The following CCNT2 variants were observed in gnomAD, a reference collection of about 807,000 sequenced individuals.
CCNT2 encodes the protein cyclin T2, also known as cyclin-T2.
CCNT2 carries 18 observed loss-of-function variants against 70.0 expected under a neutral mutation model. The observed-to-expected ratio is 0.26, with a 90% CI of 0.18 to 0.38. CCNT2 has a LOEUF of 0.38. Ranked by LOEUF, CCNT2 falls within the 10% of genes least tolerant of loss-of-function variation. The probability of loss-of-function intolerance (pLI) is 1.00; values close to 1 mark genes in which losing one functional copy is unlikely to be tolerated. For synonymous variants in CCNT2, 334 were observed against 313.3 expected (o/e 1.07, Z -0.70); for missense variants, 734 against 890.2 (o/e 0.82, Z 2.23).
chr2:134,930,989 A>C (rs1405272269), intron 2 of CCNT2, among the ~76,000 whole-genome samples: 1 of 148,210 alleles, frequency 6.7e-6, no homozygotes, highest in Admixed American at 6.7e-5. Context: ...TTTTTGAGAC[A>C]TCTCACTCTG....
Position 134,958,958 on chromosome 2 carries a change from A to C in CCNT2, c.*4310A>C, listed in dbSNP as rs1683065797. On this transcript the variant is annotated 3_prime_UTR_variant, in exon 9 of 9. Coordinates refer to ENST00000264157, the MANE Select transcript of CCNT2 (RefSeq NM_058241.3). ...CTTCACTGTGGAATCCATTTATCTC[A>C]AAGTTTGAGGGCTGTCTACTTTATT... 1 of 152,192 alleles carries C rather than the reference A, an allele frequency of 6.6e-6. No homozygotes were observed. The highest frequency in any genetic ancestry group is 2.4e-5 in the African/African-American group (1 of 41,442). The allele number at this position is 152,192 out of a possible 1,614,324, so 9.4% of individuals were successfully genotyped here. A position where few individuals can be genotyped will look rare whatever the true frequency, so the allele number is the denominator to read the frequency against.
intron 2 of CCNT2, among the ~76,000 whole-genome samples, chr2:134,935,907 A>G (rs1681111528): frequency 6.6e-6 from 1 of 151,984 alleles, no homozygotes; most frequent in Non-Finnish European, 1.5e-5. Context: ...AGCTGCTTTC[A>G]TTATTGCTAT....
chr2:134,933,828 A>G (rs1223168085), intron 2 of CCNT2, among the ~76,000 whole-genome samples: 2 of 152,226 alleles, frequency 1.3e-5, no homozygotes, highest in South Asian at 2.1e-4. Context: ...AGGGAGCACT[A>G]TTCTAAGTCC....
At chr2:134,933,991 A>C (rs1051672829) in intron 2 of CCNT2, among the ~76,000 whole-genome samples, 4 of 152,246 alleles carry the variant, frequency 2.6e-5, no homozygotes, top group Non-Finnish European at 5.9e-5. Context: ...CACTTGAGGC[A>C]GCATGGCTAT....
intron 7 of CCNT2, among the ~76,000 whole-genome samples, chr2:134,951,770 CAAT>C (rs954341908): frequency 2.6e-5 from 4 of 152,276 alleles, no homozygotes; most frequent in African/African-American, 9.6e-5. Flanking sequence ...TCTTACATAA[CAAT>C]ATATGATTAT....
At chr2:134,951,397 A>G (rs981475140) in intron 7 of CCNT2, among the ~76,000 whole-genome samples, 1 of 152,210 alleles carries the variant, frequency 6.6e-6, no homozygotes, top group African/African-American at 2.4e-5. Flanking sequence ...TGACATTATT[A>G]GTTCATCAAA....
At chr2:134,944,501 T>G (rs1681806133) in intron 5 of CCNT2, 1 of 965,330 alleles carries the variant, frequency 1.0e-6, no homozygotes, top group Admixed American at 6.2e-5. Context: ...CTAAAAATTC[T>G]AGAGACATGA....
chr2:134,948,811 T>G (rs1682205081), intron 7 of CCNT2, among the ~76,000 whole-genome samples: 1 of 148,608 alleles, frequency 6.7e-6, no homozygotes, highest in Non-Finnish European at 1.5e-5. Context: ...ACCTCCCGAG[T>G]TCAAGCAATT....
Position 134,957,656 on chromosome 2 carries a change from G to A in CCNT2, c.*3008G>A, listed in dbSNP as rs1683005805. On this transcript the variant is annotated 3_prime_UTR_variant, in exon 9 of 9. Coordinates refer to ENST00000264157, the MANE Select transcript of CCNT2 (RefSeq NM_058241.3). ...TAACGGGCGGCAGTATCCGGTAGTG[G>A]TAAAACCTCACAGTTTCCTAATTGC... 1 of 152,190 alleles carries A rather than the reference G, an allele frequency of 6.6e-6. No individual in the cohort carries two copies. Among genetic ancestry groups the A allele is most frequent in the African/African-American group, 2.4e-5 (1 of 41,438 alleles). The allele number at this position is 152,190 out of a possible 1,614,324, so 9.4% of individuals were successfully genotyped here.
intron 5 of CCNT2, chr2:134,944,003 G>A: frequency 1.0e-6 from 1 of 979,998 alleles, no homozygotes; most frequent in Non-Finnish European, 1.2e-6. Context: ...TATTATGTTA[G>A]TGGCTACAAT....
At chr2:134,931,262 CTTTTTTTTTTTTT>C (rs112471982) in intron 2 of CCNT2, among the ~76,000 whole-genome samples, 2 of 42,418 alleles carry the variant, frequency 4.7e-5, no homozygotes, top group Admixed American at 4.3e-4. Flanking sequence ...ATGCCCGGAT[CTTTTTTTTTTTTT>C]TTTTTTTTTT....
At chr2:134,925,269 A>G (rs539121045) in intron 2 of CCNT2, among the ~76,000 whole-genome samples, 2 of 152,302 alleles carry the variant, frequency 1.3e-5, no homozygotes, top group East Asian at 3.9e-4. Flanking sequence ...ATGGACACCC[A>G]GTGGCACGTA....
intron 5 of CCNT2, chr2:134,943,175 C>T: frequency 1.2e-6 from 1 of 815,478 alleles, no homozygotes; most frequent in Non-Finnish European, 1.5e-6. Flanking sequence ...CCAAGGCAGG[C>T]TGATCGCTTG....
intron 2 of CCNT2, among the ~76,000 whole-genome samples, chr2:134,932,529 T>A (rs1680855984): frequency 6.6e-6 from 1 of 152,236 alleles, no homozygotes; most frequent in African/African-American, 2.4e-5. Context: ...TAATTAGGTA[T>A]CTTAACATCC....
chr2:134,924,752 G>T (rs1357319991), intron 2 of CCNT2, among the ~76,000 whole-genome samples: 1 of 151,958 alleles, frequency 6.6e-6, no homozygotes, highest in African/African-American at 2.4e-5. Flanking sequence ...CCCGGCCCCA[G>T]TATTCTTACT....
chr2:134,937,245 T>G (rs1681221914), intron 3 of CCNT2, among the ~76,000 whole-genome samples: 2 of 152,242 alleles, frequency 1.3e-5, no homozygotes. Context: ...TTCAGAGTTA[T>G]GATATATGTA....
At chr2:134,948,386 A>G (rs1682159281) in intron 7 of CCNT2, among the ~76,000 whole-genome samples, 1 of 152,228 alleles carries the variant, frequency 6.6e-6, no homozygotes, top group Non-Finnish European at 1.5e-5. Flanking sequence ...CTGACAAGAT[A>G]AGAATAGTGA....
At chr2:134,924,418 T>C (rs1308870971) in intron 2 of CCNT2, among the ~76,000 whole-genome samples, 2 of 152,156 alleles carry the variant, frequency 1.3e-5, no homozygotes, top group Non-Finnish European at 2.9e-5. Context: ...CTCAACTCAG[T>C]GTCGATCCCC....
chr2:134,928,274 CTT>C (rs551173090), intron 2 of CCNT2, among the ~76,000 whole-genome samples: 5 of 96,420 alleles, frequency 5.2e-5, no homozygotes, highest in East Asian at 3.2e-4. Flanking sequence ...CATTGTATTT[CTT>C]TTTTTTTTTT....
Sources: allele counts gnomAD v4.1 joint callset (sites outside exome capture counted in the v4.1 genomes callset), GRCh38; gene constraint gnomAD v4.1.1; transcripts MANE v1.5; gene names NCBI Gene and HGNC (gene_info 2026-07-23, HGNC 2026-07-21).